Variants in ATG4B observed in about 807,000 individuals in gnomAD.
The protein encoded by ATG4B is cysteine protease ATG4B.
In ATG4B, 29 loss-of-function variants were observed where a neutral mutation model predicts 56.6. The observed-to-expected ratio is 0.51, with a 90% confidence interval of 0.38 to 0.70. The LOEUF (loss-of-function observed/expected upper bound fraction) is 0.70. Ranked by LOEUF, ATG4B falls within the 30% of genes least tolerant of loss-of-function variation. ATG4B has a pLI of 0.00. For synonymous variants in ATG4B, 224 were observed against 206.1 expected (o/e 1.09, Z -0.74); for missense variants, 461 against 515.5 (o/e 0.89, Z 1.02).
chr2:241,654,516 A>G (rs1216729772), intron 4 of ATG4B, 30 bp from the exon 5 acceptor site: 8 of 1,485,792 alleles, frequency 5.4e-6, no homozygotes, highest in Admixed American at 3.9e-5. Flanking sequence ...TATTTATGGT[A>G]GAGCTGACCT....
At chr2:241,653,406 A>T in intron 3 of ATG4B, 106 bp from the exon 4 acceptor site, 1 of 1,551,224 alleles carries the variant, frequency 6.4e-7, no homozygotes, top group South Asian at 1.2e-5. Flanking sequence ...TGGAGGAGGG[A>T]GTCGGTGCCT....
Position 241,673,560 on chromosome 2 carries a change from C to T in ATG4B, c.*1296C>T. The stretch of plus-strand genomic sequence containing the variant: ...GGCCCACCTGGTAGCAGAGGACACC[C>T]CCAGCCCCCCAAGCATTGAAGACAT... On this transcript the variant is annotated 3_prime_UTR_variant, in exon 13 of 13. Coordinates refer to ENST00000404914, the MANE Select transcript of ATG4B (RefSeq NM_013325.5). 1 of 453,818 alleles carries T rather than the reference C, an allele frequency of 2.2e-6. No individual in the cohort carries two copies. Among genetic ancestry groups the T allele is most frequent in the South Asian group, 1.6e-5 (1 of 64,316 alleles). The allele number at this position is 453,818 out of a possible 1,614,324, so 28.1% of individuals were successfully genotyped here.
chr2:241,655,385 A>T, intron 6 of ATG4B, 42 bp downstream of exon 6: 1 of 1,569,086 alleles, frequency 6.4e-7, no homozygotes. Flanking sequence ...GGCAGCAGGG[A>T]TGTTCCCTGG....
intron 12 of ATG4B, chr2:241,671,945 C>A: frequency 7.2e-7 from 1 of 1,391,692 alleles, no homozygotes; most frequent in Non-Finnish European, 9.3e-7. Flanking sequence ...GGACAGAGGC[C>A]CCTCAGGCCT....
chr2:241,662,456 TAAAG>T (rs1216808229), intron 7 of ATG4B, among the ~76,000 whole-genome samples: 1 of 152,186 alleles, frequency 6.6e-6, no homozygotes, highest in African/African-American at 2.4e-5. Flanking sequence ...GTTCAAAATA[TAAAG>T]AGAACACGAG....
At chr2:241,638,869 A>G (rs748828734) in intron 1 of ATG4B, among the ~76,000 whole-genome samples, 5 of 152,152 alleles carry the variant, frequency 3.3e-5, no homozygotes, top group Admixed American at 6.5e-5. Flanking sequence ...GCTGTGTACT[A>G]TTTGTTGTTT....
Position 241,672,372 on chromosome 2 carries a change from T to TC in ATG4B, c.*114dup. 2.8e-6 allele frequency: 3 copies of TC among 1,071,014 alleles called. No individual in the cohort carries two copies. The highest frequency in any genetic ancestry group is 2.7e-6 in the Non-Finnish European group (2 of 732,636). The allele number at this position is 1,071,014 out of a possible 1,614,324, so 66.3% of individuals were successfully genotyped here. The stretch of plus-strand genomic sequence containing the variant: ...GCCGAGGGCTGCGCCCCGTGCTGCC[T>TC]CCCCCCAGAGGGCCACCCGCTGTGC... On this transcript the variant is annotated 3_prime_UTR_variant, in exon 13 of 13. Transcript: ENST00000404914.
At chr2:241,671,967 G>C (rs1277732405) in intron 12 of ATG4B, 7 of 1,404,444 alleles carry the variant, frequency 5.0e-6, no homozygotes, top group Middle Eastern at 5.2e-4. Context: ...AGATTGTGCC[G>C]GCCGCCCCCT....
chr2:241,638,535 G>A (rs17140248), intron 1 of ATG4B, among the ~76,000 whole-genome samples: 55,079 of 152,038 alleles, frequency 0.36, 10,172 homozygotes, highest in African/African-American at 0.43. Flanking sequence ...CATTCTTTGT[G>A]GGAACTGATT....
At chr2:241,645,727 A>G (rs1408884612) in intron 1 of ATG4B, among the ~76,000 whole-genome samples, 2 of 152,178 alleles carry the variant, frequency 1.3e-5, no homozygotes, top group Admixed American at 1.3e-4. Context: ...CCCCACTTGC[A>G]GCGTCCTCCA....
Position 241,653,558 on chromosome 2 carries a change from G to A in ATG4B, c.231G>A (p.Arg77=), listed in dbSNP as rs1472380785. ...ACACAGGCTGGGGCTGCATGCTGCG[G>A]TGTGGACAGATGATCTTTGCCCAAG... The part of the protein sequence containing the change: ...TSDTGWGCML[R]CGQMIFAQAL... Residue 77 remains arginine, a synonymous_variant, in exon 4 of 13, where the codon CGG becomes CGA. Coordinates refer to ENST00000404914, the MANE Select transcript of ATG4B (RefSeq NM_013325.5). 8 of 1,583,126 alleles carry A rather than the reference G, an allele frequency of 5.1e-6. No homozygotes were observed. The highest frequency in any genetic ancestry group is 4.0e-5 in the African/African-American group (3 of 74,380).
rs145718866 is a variant in ATG4B at position 241,648,641 on chromosome 2, C to G, written c.11-2369C>G. ...ACAGGAGCAGAGCTCTTGGACAAAG[C>G]CCTGCTGTGGAAAGCTTGCTTCATC... is the stretch of plus-strand genomic sequence containing the variant. On this transcript the variant is annotated intron_variant, in intron 1 of 12. Coordinates refer to ENST00000404914, the MANE Select transcript of ATG4B (RefSeq NM_013325.5). 3.1e-3 allele frequency among the ~76,000 whole-genome samples: 477 copies of G among 151,982 alleles called. 1 individual carries two copies. Among genetic ancestry groups the G allele is most frequent in the African/African-American group, 0.011 (459 of 41,424 alleles).
intron 1 of ATG4B, among the ~76,000 whole-genome samples, chr2:241,646,240 C>G (rs550896358): frequency 1.3e-5 from 2 of 152,336 alleles, no homozygotes; most frequent in East Asian, 3.9e-4. Flanking sequence ...CCCTCAACTT[C>G]ACAGCCGCTC....
rs367655978 is a variant in ATG4B, at chr2:241,653,516, G to A, written c.189G>A (p.Gly63=). 161 of 1,578,102 alleles carry A rather than the reference G, an allele frequency of 1.0e-4. No individual in the cohort carries two copies. Among genetic ancestry groups the A allele is most frequent in the Non-Finnish European group, 1.3e-4 (147 of 1,161,934 alleles). Residue 63 remains glycine (G), a synonymous_variant, in exon 4 of 13, where the codon GGG becomes GGA. Transcript: ENST00000404914. ...TYRKNFPAIG[G]TGPTSDTGWG... is the part of the protein sequence containing the mutation. Reference sequence around the variant, plus strand: ...TCTCTCTGTCTGCCACGACAGGGGGGACAGGCCCCACCTCGGACACAGGCT... The same window carrying A: ...TCTCTCTGTCTGCCACGACAGGGGGAACAGGCCCCACCTCGGACACAGGCT...
intron 7 of ATG4B, chr2:241,659,390 C>T (rs776355114): frequency 1.3e-4 from 87 of 658,406 alleles, no homozygotes; most frequent in Admixed American, 2.5e-4. Context: ...GAGAGGAGAG[C>T]CCAGGCTGTC....
rs2068786733 is a variant in ATG4B, at chr2:241,666,697, AGATTCC to A, written c.594_599del (p.Ser199_Asp200del). The A allele has an allele frequency of 6.2e-7, 1 of 1,613,280 alleles. No homozygotes were observed. The highest frequency in any genetic ancestry group is 1.1e-5 in the South Asian group (1 of 90,894). ...GTGCAGGCGCCACTGCGTTTCCTGC[AGATTCC>A]GACCGGCACTGCAACGGATTCCCTG... is the stretch of plus-strand genomic sequence containing the variant. On this transcript the variant is annotated inframe_deletion, in exon 8 of 13. Coordinates refer to ENST00000404914, the MANE Select transcript of ATG4B (RefSeq NM_013325.5).
intron 1 of ATG4B, among the ~76,000 whole-genome samples, chr2:241,647,881 A>G (rs1224699757): frequency 6.6e-6 from 1 of 151,826 alleles, no homozygotes; most frequent in Non-Finnish European, 1.5e-5. Context: ...TGGGAGGCCG[A>G]GGTGGGTGGA....
intron 6 of ATG4B, chr2:241,655,589 G>T (rs1559259492): frequency 5.5e-6 from 3 of 544,540 alleles, no homozygotes; most frequent in Non-Finnish European, 9.8e-6. Context: ...TTTGCTGCAT[G>T]GATCCACCTG....
intron 1 of ATG4B, among the ~76,000 whole-genome samples, chr2:241,647,637 A>G (rs991864464): frequency 1.2e-4 from 14 of 117,538 alleles, no homozygotes; most frequent in South Asian, 5.7e-4. Context: ...AAAAAAAAAA[A>G]AAAAAAGAAA....
Sources: allele counts gnomAD v4.1 joint callset (sites outside exome capture counted in the v4.1 genomes callset), GRCh38; gene constraint gnomAD v4.1.1; transcripts MANE v1.5; gene names NCBI Gene and HGNC (gene_info 2026-07-23, HGNC 2026-07-21).